The following QTMAN variants were observed in gnomAD, a reference collection of about 807,000 sequenced individuals.
The protein encoded by QTMAN is queuosine-tRNA mannosyltransferase.
the QTMAN span, among the ~76,000 whole-genome samples, chr2:144,329,860 A>G: frequency 6.6e-6 from 1 of 152,188 alleles, no homozygotes; most frequent in Admixed American, 6.5e-5. Context: ...GCCCAACAAG[A>G]TCATAAGCAT....
At chr2:144,300,094 G>A in the QTMAN span, among the ~76,000 whole-genome samples, 6 of 152,146 alleles carry the variant, frequency 3.9e-5, no homozygotes, top group East Asian at 1.9e-4. Context: ...AGTCTGCCAC[G>A]GACTGCCAGG....
chr2:144,220,184 T>C, the QTMAN span, among the ~76,000 whole-genome samples: 527 of 152,328 alleles, frequency 3.5e-3, no homozygotes, highest in African/African-American at 0.012. Context: ...TGTATCACTA[T>C]TTTTAAATAT....
the QTMAN span, among the ~76,000 whole-genome samples, chr2:143,990,952 T>G: frequency 6.6e-6 from 1 of 151,724 alleles, no homozygotes; most frequent in Non-Finnish European, 1.5e-5. Flanking sequence ...AGAAAGAAAT[T>G]TGAGAAATTT....
the QTMAN span, among the ~76,000 whole-genome samples, chr2:143,975,417 A>G: frequency 6.6e-6 from 1 of 152,160 alleles, no homozygotes; most frequent in African/African-American, 2.4e-5. Flanking sequence ...TATGAATGCT[A>G]TAGTGTTCCC....
the QTMAN span, chr2:144,142,052 C>G: frequency 6.2e-7 from 1 of 1,607,280 alleles, no homozygotes; most frequent in African/African-American, 1.3e-5. Context: ...CATCAGCCAC[C>G]AGGCTGTAAA....
At chr2:144,136,487 G>C in the QTMAN span, among the ~76,000 whole-genome samples, 2 of 151,046 alleles carry the variant, frequency 1.3e-5, no homozygotes, top group African/African-American at 4.9e-5. Context: ...AGAGAAAAGA[G>C]AAAGGAAAAG....
chr2:143,959,883 A>G, the QTMAN span, among the ~76,000 whole-genome samples: 1 of 152,130 alleles, frequency 6.6e-6, no homozygotes, highest in South Asian at 2.1e-4. Context: ...ACAACAGTAT[A>G]CCTACTTTGT....
chr2:144,046,590 T>C, the QTMAN span, among the ~76,000 whole-genome samples: 1 of 152,216 alleles, frequency 6.6e-6, no homozygotes, highest in Non-Finnish European at 1.5e-5. Context: ...TGCAGCACTA[T>C]TAAATGAGAT....
the QTMAN span, among the ~76,000 whole-genome samples, chr2:144,304,664 T>G: frequency 5.9e-5 from 9 of 152,230 alleles, no homozygotes; most frequent in Non-Finnish European, 1.2e-4. Context: ...AGGCTGGTCT[T>G]GTACTCCTGG....
the QTMAN span, among the ~76,000 whole-genome samples, chr2:144,266,135 GA>G: frequency 1.3e-5 from 2 of 152,232 alleles, no homozygotes; most frequent in African/African-American, 2.4e-5. Context: ...TGTGAGAAGA[GA>G]ACAAGGTCAA....
At chr2:144,238,468 GCATGTGATA>G in the QTMAN span, among the ~76,000 whole-genome samples, 38 of 152,186 alleles carry the variant, frequency 2.5e-4, no homozygotes, top group African/African-American at 8.9e-4. Flanking sequence ...AAATTAAGTA[GCATGTGATA>G]CATCTCTGTA....
chr2:144,324,181 C>T, the QTMAN span, among the ~76,000 whole-genome samples: 4 of 152,304 alleles, frequency 2.6e-5, no homozygotes, highest in South Asian at 4.1e-4. Context: ...AATACATACT[C>T]TGCCTTGCTA....
chr2:144,084,544 C>T, the QTMAN span, among the ~76,000 whole-genome samples: 1 of 152,182 alleles, frequency 6.6e-6, no homozygotes, highest in Non-Finnish European at 1.5e-5. Context: ...CAGTTCAAGA[C>T]TCAGGAATGA....
At chr2:144,222,909 A>G in the QTMAN span, among the ~76,000 whole-genome samples, 3 of 152,216 alleles carry the variant, frequency 2.0e-5, no homozygotes, top group Non-Finnish European at 4.4e-5. Flanking sequence ...GTCAACTAAA[A>G]GAGAGAGAGA....
At chr2:144,307,462 T>C in the QTMAN span, among the ~76,000 whole-genome samples, 1 of 152,196 alleles carries the variant, frequency 6.6e-6, no homozygotes, top group East Asian at 1.9e-4. Context: ...GTCTGTGCAA[T>C]GTAAACAGTG....
chr2:144,002,227 T>C, the QTMAN span, among the ~76,000 whole-genome samples: 1 of 151,970 alleles, frequency 6.6e-6, no homozygotes, highest in Non-Finnish European at 1.5e-5. Context: ...TATCTTTTAA[T>C]AATCTGTGTA....
chr2:144,307,010 A>C, the QTMAN span, among the ~76,000 whole-genome samples: 1 of 151,816 alleles, frequency 6.6e-6, no homozygotes, highest in African/African-American at 2.4e-5. Flanking sequence ...AAAACACAAA[A>C]ATTAGCTGGG....
chr2:144,107,403 T>C, the QTMAN span, among the ~76,000 whole-genome samples: 1 of 151,684 alleles, frequency 6.6e-6, no homozygotes, highest in Non-Finnish European at 1.5e-5. Context: ...ATAGACACAA[T>C]AAAAAATGAT....
At chr2:144,018,015 C>T in the QTMAN span, among the ~76,000 whole-genome samples, 2 of 152,068 alleles carry the variant, frequency 1.3e-5, no homozygotes, top group African/African-American at 2.4e-5. Flanking sequence ...TAAAAAGGTC[C>T]AATGTTATTA....
Sources: gnomAD v4.1 joint callset for allele counts (sites outside exome capture counted in the v4.1 genomes callset) on GRCh38, gnomAD v4.1.1 for gene constraint, MANE v1.5 for transcripts, NCBI Gene and HGNC (gene_info 2026-07-23, HGNC 2026-07-21) for gene names.